GRM8: variants seen among roughly 807,000 people sequenced by gnomAD.
GRM8 encodes the protein glutamate metabotropic receptor 8.
In GRM8, 47 loss-of-function variants were observed where a neutral mutation model predicts 87.2. The ratio of observed to expected loss-of-function variants is 0.54; its 90% CI spans 0.43 to 0.69. The LOEUF is 0.69. GRM8 is among the 30% of genes least tolerant of loss of function. The pLI is 0.00. For missense variants in GRM8, 1,019 were observed against 1,139.2 expected (o/e 0.89, Z 1.52); for synonymous variants, 396 against 404.5 (o/e 0.98, Z 0.25).
intron 3 of GRM8, among the ~76,000 whole-genome samples, chr7:126,910,846 T>C (rs1803210225): frequency 6.6e-6 from 1 of 152,274 alleles, no homozygotes; most frequent in Non-Finnish European, 1.5e-5. Context: ...GATTTGCTAG[T>C]GCATAGAGAT....
At chr7:127,221,652 A>G (rs1055187921) in intron 2 of GRM8, among the ~76,000 whole-genome samples, 1 of 152,146 alleles carries the variant, frequency 6.6e-6, no homozygotes, top group African/African-American at 2.4e-5. Flanking sequence ...TTAATAACTC[A>G]TTTTGCTAAG....
chr7:127,058,290 C>T lies in GRM8; in HGVS notation c.727+48206G>A, dbSNP rs1007450854. ...TGTCAACACACTCCTGGTTGGTAGG[C>T]GAGAACAGCAACTGGACAAATCATT... On this transcript the variant is annotated intron_variant, in intron 3 of 10. Transcript: ENST00000339582. 1.4e-5 allele frequency: 5 copies of T among 363,170 alleles called. No individual in the cohort carries two copies. The East Asian group carries it at 6.4e-4, about 47-fold the overall frequency. The allele number at this position is 363,170 out of a possible 1,614,324, so 22.5% of individuals were successfully genotyped here. A position where few individuals can be genotyped will look rare whatever the true frequency, so the allele number is the denominator to read the frequency against.
intron 8 of GRM8, among the ~76,000 whole-genome samples, chr7:126,539,933 C>T (rs559044922): frequency 2.0e-5 from 3 of 151,206 alleles, no homozygotes; most frequent in East Asian, 3.9e-4. Context: ...GCAACAACAA[C>T]AAAAAAAATA....
intron 2 of GRM8, among the ~76,000 whole-genome samples, chr7:127,192,654 T>C (rs1326822367): frequency 6.6e-6 from 1 of 152,228 alleles, no homozygotes. Context: ...AAGGAACCCC[T>C]GGTACCACTG....
chr7:126,532,173 A>C (rs950901538), intron 9 of GRM8, among the ~76,000 whole-genome samples: 11 of 152,250 alleles, frequency 7.2e-5, no homozygotes, highest in Admixed American at 5.9e-4. Context: ...CTTTACCAGC[A>C]GTATTTTATG....
chr7:127,005,933 C>A (rs758165150), intron 3 of GRM8, among the ~76,000 whole-genome samples: 4 of 151,792 alleles, frequency 2.6e-5, no homozygotes, highest in Non-Finnish European at 5.9e-5. Flanking sequence ...CCCCACCACC[C>A]AGCATCCTTC....
chr7:126,520,917 T>C (rs1282299354), intron 9 of GRM8, among the ~76,000 whole-genome samples: 10 of 152,280 alleles, frequency 6.6e-5, no homozygotes, highest in Non-Finnish European at 1.0e-4. Flanking sequence ...AAATAGGCAG[T>C]GTAACCAAGT....
chr7:127,242,896 G>A lies in GRM8; in HGVS notation c.309C>T (p.Leu103=), dbSNP rs539427680. ...LSNITLGVRI[L]DTCSRDTYAL... is the part of the protein sequence containing the mutation. ...CATAGGTGTCCCTAGAGCACGTGTCGAGGATGCGGACACCCAGAGTGATGT... is the reference window on the plus strand; with the variant it reads ...CATAGGTGTCCCTAGAGCACGTGTCAAGGATGCGGACACCCAGAGTGATGT... The change falls in exon 2 of 11, where the codon CTC becomes CTT. Residue 103 remains leucine, a synonymous_variant. Coordinates refer to ENST00000339582, the MANE Select transcript of GRM8 (RefSeq NM_000845.3). 2.2e-5 allele frequency: 35 copies of A among 1,613,868 alleles called. No homozygotes were observed. The highest frequency in any genetic ancestry group is 5.3e-5 in the African/African-American group (4 of 74,994).
intron 7 of GRM8, among the ~76,000 whole-genome samples, chr7:126,690,747 A>G (rs971970047): frequency 6.6e-6 from 1 of 152,020 alleles, no homozygotes; most frequent in Non-Finnish European, 1.5e-5. Context: ...GTGCTTTACT[A>G]AACAACTCAG....
At chr7:127,230,079 G>A (rs1166465356) in intron 2 of GRM8, among the ~76,000 whole-genome samples, 4 of 152,094 alleles carry the variant, frequency 2.6e-5, no homozygotes, top group Admixed American at 2.0e-4. Flanking sequence ...GGGTTGGGGG[G>A]AGGGATTCTC....
rs753862170 is a variant in GRM8, at chr7:126,533,549, T to A, written c.1833A>T (p.Thr611=). The change falls in exon 9 of 11, where the codon ACA becomes ACT. Residue 611 remains threonine (T), a synonymous_variant. Transcript: ENST00000339582. ...VIVTFVRYND[T]PIVRASGREL... is the part of the protein sequence containing the mutation. ...CGCGTCCTGAAGCCCTCACGATAGG[T>A]GTGTCATTATAGCGGACAAAGGTCA... 36 of 1,613,838 alleles carry A rather than the reference T, an allele frequency of 2.2e-5. No individual in the cohort carries two copies. Among genetic ancestry groups the A allele is most frequent in the Middle Eastern group, 1.6e-4 (1 of 6,082 alleles).
intron 6 of GRM8, among the ~76,000 whole-genome samples, chr7:126,816,732 T>TTGTGTGTGTG (rs3038866): frequency 8.9e-4 from 130 of 145,934 alleles, no homozygotes; most frequent in African/African-American, 3.1e-3. Context: ...GTATATGATT[T>TTGTGTGTGTG]TGTGTGTGTG....
At chr7:127,196,273 T>G (rs1795273622) in intron 2 of GRM8, among the ~76,000 whole-genome samples, 1 of 152,124 alleles carries the variant, frequency 6.6e-6, no homozygotes, top group African/African-American at 2.4e-5. Context: ...ATCCCAGTAC[T>G]TGGGGAGGTT....
At chr7:126,712,839 A>G (rs926071738) in intron 7 of GRM8, among the ~76,000 whole-genome samples, 17 of 151,924 alleles carry the variant, frequency 1.1e-4, no homozygotes, top group Admixed American at 2.6e-4. Context: ...AACATGTGGG[A>G]AAAAAAAGCT....
intron 9 of GRM8, among the ~76,000 whole-genome samples, chr7:126,467,823 G>A (rs1804683161): frequency 6.6e-6 from 1 of 151,928 alleles, no homozygotes; most frequent in Non-Finnish European, 1.5e-5. Context: ...AAAGGCAGGG[G>A]CTTTATAAAC....
At chr7:126,962,767 G>A (rs1322295859) in intron 3 of GRM8, among the ~76,000 whole-genome samples, 4 of 152,122 alleles carry the variant, frequency 2.6e-5, no homozygotes, top group Admixed American at 1.3e-4. Context: ...AGCTAAGCCC[G>A]CAGTAAATGT....
At chr7:126,962,331 C>T (rs528298986) in intron 3 of GRM8, among the ~76,000 whole-genome samples, 2 of 152,200 alleles carry the variant, frequency 1.3e-5, no homozygotes, top group East Asian at 1.9e-4. Flanking sequence ...ATGCCAAAGC[C>T]CAGCTTTTTA....
chr7:126,815,240 C>T (rs1323336069), intron 6 of GRM8, among the ~76,000 whole-genome samples: 1 of 152,066 alleles, frequency 6.6e-6, no homozygotes, highest in Non-Finnish European at 1.5e-5. Flanking sequence ...CTTTTTGGTA[C>T]ACAGAGGCCC....
intron 3 of GRM8, among the ~76,000 whole-genome samples, chr7:127,003,771 T>C (rs577452607): frequency 1.7e-4 from 26 of 151,810 alleles, no homozygotes; most frequent in African/African-American, 5.3e-4. Context: ...TGGGTCAGCA[T>C]AGGATACAGA....
Sources: allele counts gnomAD v4.1 joint callset (sites outside exome capture counted in the v4.1 genomes callset), GRCh38; gene constraint gnomAD v4.1.1; transcripts MANE v1.5; gene names NCBI Gene and HGNC (gene_info 2026-07-23, HGNC 2026-07-21).